GAS2: variants seen among roughly 807,000 people sequenced by gnomAD.
GAS2 encodes growth arrest-specific protein 2.
GAS2 carries 20 observed loss-of-function variants against 37.5 expected under a neutral mutation model. The ratio of observed to expected loss-of-function variants is 0.53; its 90% CI spans 0.37 to 0.77. The LOEUF (loss-of-function observed/expected upper bound fraction) is 0.77. Ranked by LOEUF, GAS2 falls within the 30% of genes least tolerant of loss-of-function variation. The probability of loss-of-function intolerance (pLI) is 0.00; values close to 1 mark genes in which losing one functional copy is unlikely to be tolerated. For synonymous variants in GAS2, 144 were observed against 132.2 expected, an observed-to-expected ratio of 1.09 and a Z score of -0.61; for missense variants, 336 against 373.4, an observed-to-expected ratio of 0.90 and a Z score of 0.82.
intron 1 of GAS2, among the ~76,000 whole-genome samples, chr11:22,671,120 C>T (rs1414564519): frequency 6.6e-6 from 1 of 152,058 alleles, no homozygotes; most frequent in South Asian, 2.1e-4. Context: ...ATTTTACTTA[C>T]AAAGTCATTA....
At chr11:22,739,026 C>T (rs990368927) in intron 5 of GAS2, among the ~76,000 whole-genome samples, 2 of 152,218 alleles carry the variant, frequency 1.3e-5, no homozygotes, top group Admixed American at 6.5e-5. Context: ...GGGGAGAACT[C>T]TCTAGTCTTG....
At chr11:22,649,149 G>T (rs1457844088) in intron 1 of GAS2, among the ~76,000 whole-genome samples, 2 of 151,150 alleles carry the variant, frequency 1.3e-5, no homozygotes, top group Non-Finnish European at 3.0e-5. Context: ...TTTGTCAAAG[G>T]CCTTTTCTGC....
At chr11:22,722,355 G>A (rs1474114746) in intron 3 of GAS2, among the ~76,000 whole-genome samples, 1 of 151,812 alleles carries the variant, frequency 6.6e-6, no homozygotes, top group Non-Finnish European at 1.5e-5. Flanking sequence ...AAAATCAGTA[G>A]TCTTGATATT....
intron 3 of GAS2, among the ~76,000 whole-genome samples, chr11:22,694,137 C>T (rs1441393150): frequency 6.6e-6 from 1 of 152,074 alleles, no homozygotes; most frequent in African/African-American, 2.4e-5. Flanking sequence ...ATATAACAAA[C>T]CTGCACTTGT....
chr11:22,650,883 C>T (rs984398602), intron 1 of GAS2, among the ~76,000 whole-genome samples: 4 of 151,012 alleles, frequency 2.6e-5, no homozygotes, highest in Non-Finnish European at 4.5e-5. Flanking sequence ...ATTTGCCAGT[C>T]TGTGTCTTTT....
chr11:22,780,272 G>A (rs1855486594), intron 7 of GAS2, among the ~76,000 whole-genome samples: 1 of 152,046 alleles, frequency 6.6e-6, no homozygotes, highest in African/African-American at 2.4e-5. Context: ...TGAGGCAGGT[G>A]GATCACGAGG....
chr11:22,659,472 G>T (rs990734580), intron 1 of GAS2, among the ~76,000 whole-genome samples: 4 of 152,142 alleles, frequency 2.6e-5, no homozygotes, highest in Admixed American at 1.3e-4. Context: ...AAAGAAAAGA[G>T]ATTATTTCTG....
At chr11:22,708,170 G>A (rs1851217267) in intron 3 of GAS2, among the ~76,000 whole-genome samples, 1 of 152,018 alleles carries the variant, frequency 6.6e-6, no homozygotes, top group African/African-American at 2.4e-5. Context: ...GATGATTAGG[G>A]GACAGAACAA....
intron 4 of GAS2, among the ~76,000 whole-genome samples, chr11:22,735,729 G>T (rs750784431): frequency 6.6e-6 from 1 of 151,804 alleles, no homozygotes; most frequent in Non-Finnish European, 1.5e-5. Flanking sequence ...GTTGGTTAAA[G>T]AACCATTATT....
chr11:22,721,398 T>A (rs1301631417), intron 3 of GAS2, among the ~76,000 whole-genome samples: 1 of 152,002 alleles, frequency 6.6e-6, no homozygotes, highest in South Asian at 2.1e-4. Flanking sequence ...CTGCAGCATA[T>A]ATGTACAATT....
intron 6 of GAS2, among the ~76,000 whole-genome samples, chr11:22,752,256 C>A (rs1276135149): frequency 6.6e-6 from 1 of 151,970 alleles, no homozygotes; most frequent in Non-Finnish European, 1.5e-5. Context: ...AACCTGGAAT[C>A]TTCTAAACTT....
intron 3 of GAS2, among the ~76,000 whole-genome samples, chr11:22,708,876 C>A (rs1851259354): frequency 6.6e-6 from 1 of 152,098 alleles, no homozygotes; most frequent in South Asian, 2.1e-4. Context: ...AGGGGTGGGA[C>A]TTGCAATTAT....
At chr11:22,681,625 A>G (rs1271390376) in intron 2 of GAS2, among the ~76,000 whole-genome samples, 3 of 152,156 alleles carry the variant, frequency 2.0e-5, no homozygotes, top group African/African-American at 7.2e-5. Flanking sequence ...TAGGGAAGAA[A>G]TGATTCTCTG....
At chr11:22,710,497 G>C (rs1851349499) in intron 3 of GAS2, among the ~76,000 whole-genome samples, 1 of 135,964 alleles carries the variant, frequency 7.4e-6, no homozygotes. Context: ...ATGTGTGTGT[G>C]TGTGTCTGTG....
chr11:22,801,102 A>G (rs1457361701), intron 7 of GAS2, among the ~76,000 whole-genome samples: 2 of 152,108 alleles, frequency 1.3e-5, no homozygotes, highest in Admixed American at 1.3e-4. Context: ...AAGAAAAAGG[A>G]AAAGACATTC....
At chr11:22,810,964 G>C (rs994463777) in intron 7 of GAS2, among the ~76,000 whole-genome samples, 1 of 152,194 alleles carries the variant, frequency 6.6e-6, no homozygotes, top group Non-Finnish European at 1.5e-5. Flanking sequence ...TTTTGGGCAG[G>C]AGAGGGAGTC....
chr11:22,684,348 A>G (rs537796467), intron 2 of GAS2, among the ~76,000 whole-genome samples: 23 of 152,318 alleles, frequency 1.5e-4, no homozygotes, highest in African/African-American at 5.5e-4. Flanking sequence ...AGCAGTGAGC[A>G]TGGTATGTAT....
intron 7 of GAS2, among the ~76,000 whole-genome samples, chr11:22,794,391 A>C (rs1856330124): frequency 6.6e-6 from 1 of 152,030 alleles, no homozygotes; most frequent in Non-Finnish European, 1.5e-5. Flanking sequence ...TTTATCTCCA[A>C]GCTTCTAAAT....
chr11:22,645,317 G>C (rs1243759123), intron 1 of GAS2, among the ~76,000 whole-genome samples: 11 of 152,040 alleles, frequency 7.2e-5, no homozygotes, highest in Non-Finnish European at 4.4e-5. Flanking sequence ...AGACCATCCT[G>C]GTCAACATGG....
Sources: gnomAD v4.1 joint callset for allele counts (sites outside exome capture counted in the v4.1 genomes callset) on GRCh38, gnomAD v4.1.1 for gene constraint, MANE v1.5 for transcripts, NCBI Gene and HGNC (gene_info 2026-07-23, HGNC 2026-07-21) for gene names.